The following LIN28B variants were observed in gnomAD, a reference collection of about 807,000 sequenced individuals.
The protein encoded by LIN28B is protein lin-28 homolog B.
Under a neutral mutation model 21.9 loss-of-function variants are expected in LIN28B, and 5 were observed. The ratio of observed to expected loss-of-function variants is 0.23; its 90% CI spans 0.12 to 0.48. The LOEUF is 0.48. LIN28B is among the 20% of genes least tolerant of loss of function. The probability of loss-of-function intolerance (pLI) is 0.98; values close to 1 mark genes in which losing one functional copy is unlikely to be tolerated. For missense variants in LIN28B, 245 were observed against 310.5 expected, an observed-to-expected ratio of 0.79 and a Z score of 1.58; for synonymous variants, 109 against 111.3, an observed-to-expected ratio of 0.98 and a Z score of 0.13.
At chr6:105,010,253 C>G (rs1160490192) in intron 2 of LIN28B, among the ~76,000 whole-genome samples, 1 of 151,078 alleles carries the variant, frequency 6.6e-6, no homozygotes, top group Non-Finnish European at 1.5e-5. Context: ...GTCCCAGCTA[C>G]TTATGAGGCT....
chr6:104,979,362 C>T (rs1770172262), intron 2 of LIN28B, among the ~76,000 whole-genome samples: 2 of 151,986 alleles, frequency 1.3e-5, no homozygotes, highest in South Asian at 4.1e-4. Context: ...TGTGCGCCAC[C>T]ACGCCCGGCT....
At chr6:104,996,813 T>G (rs559634762) in intron 2 of LIN28B, among the ~76,000 whole-genome samples, 1 of 152,204 alleles carries the variant, frequency 6.6e-6, no homozygotes, top group Admixed American at 6.5e-5. Context: ...AATAACTTTA[T>G]TTTTCTTAAA....
At chr6:104,958,438 A>G in intron 2 of LIN28B, 152 bp downstream of exon 2, 1 of 540,600 alleles carries the variant, frequency 1.8e-6, no homozygotes, top group Non-Finnish European at 3.2e-6. Flanking sequence ...CGTTTAGGGT[A>G]CGTGTATGGG....
chr6:105,029,202 T>G (rs1771365376), intron 3 of LIN28B, among the ~76,000 whole-genome samples: 1 of 152,092 alleles, frequency 6.6e-6, no homozygotes, highest in Non-Finnish European at 1.5e-5. Context: ...AGACAATCTT[T>G]TGAGAAGTGT....
At chr6:105,031,406 C>A (rs1771420327) in intron 3 of LIN28B, among the ~76,000 whole-genome samples, 1 of 151,886 alleles carries the variant, frequency 6.6e-6, no homozygotes, top group African/African-American at 2.4e-5. Context: ...ATTTGGTCTG[C>A]TGATGTACCA....
rs116113200 is a variant in LIN28B, at chr6:105,070,824, A to G, written c.384-7590A>G. On this transcript the variant is annotated intron_variant, in intron 3 of 3. Transcript: ENST00000345080. ...CACCGTACTATTTTCCCTGGATGTA[A>G]CCACTCTTTATTTGTCAATTCACTG... Among the ~76,000 whole-genome samples, 671 of 152,148 alleles carry G rather than the reference A, an allele frequency of 4.4e-3. 9 individuals carry two copies. Among genetic ancestry groups the G allele is most frequent in the African/African-American group, 0.015 (630 of 41,502 alleles).
At chr6:105,063,642 G>T (rs565828014) in intron 3 of LIN28B, among the ~76,000 whole-genome samples, 25 of 145,526 alleles carry the variant, frequency 1.7e-4, no homozygotes, top group African/African-American at 6.1e-4. Flanking sequence ...TCTCGGGGGG[G>T]GGGGGGAAAA....
intron 2 of LIN28B, among the ~76,000 whole-genome samples, chr6:104,960,118 CTT>C (rs1769699654): frequency 6.6e-6 from 1 of 151,978 alleles, no homozygotes; most frequent in African/African-American, 2.4e-5. Flanking sequence ...AAATAGTTGA[CTT>C]AATATTCAGT....
chr6:105,049,561 A>G (rs957337056), intron 3 of LIN28B, among the ~76,000 whole-genome samples: 2 of 152,006 alleles, frequency 1.3e-5, no homozygotes, highest in Non-Finnish European at 2.9e-5. Flanking sequence ...TATCCTTGTT[A>G]ACTTTCTGTC....
intron 3 of LIN28B, among the ~76,000 whole-genome samples, chr6:105,037,466 T>TTCTCCTCCCC (rs1771541806): frequency 1.3e-5 from 2 of 148,764 alleles, no homozygotes; most frequent in African/African-American, 2.5e-5. Flanking sequence ...CTCCCCTCAC[T>TTCTCCTCCCC]TCTCCTCCCC....
At chr6:105,041,839 A>G (rs567612935) in intron 3 of LIN28B, among the ~76,000 whole-genome samples, 1 of 152,164 alleles carries the variant, frequency 6.6e-6, no homozygotes, top group South Asian at 2.1e-4. Context: ...TCTTCCAACA[A>G]ACCTCTGGGT....
chr6:105,078,836 G>A lies in LIN28B; in HGVS notation c.*53G>A. 6.4e-7 allele frequency: 1 copy of A among 1,558,550 alleles called. No individual in the cohort carries two copies. The highest frequency in any genetic ancestry group is 1.8e-5 in the Admixed American group (1 of 54,388). ...TACCCGGTTGCAAAGTCTACCTCATGCAAGTATAGGGGAACAGTATTTCAC... is the reference window on the plus strand; with the variant it reads ...TACCCGGTTGCAAAGTCTACCTCATACAAGTATAGGGGAACAGTATTTCAC... On this transcript the variant is annotated 3_prime_UTR_variant, in exon 4 of 4. Transcript: ENST00000345080.
At chr6:104,945,729 T>C (rs1224492833) in intron 2 of LIN28B, among the ~76,000 whole-genome samples, 1 of 152,122 alleles carries the variant, frequency 6.6e-6, no homozygotes, top group African/African-American at 2.4e-5. Flanking sequence ...TGTTGGAAAA[T>C]ACAAACACAT....
intron 2 of LIN28B, among the ~76,000 whole-genome samples, chr6:104,958,559 A>G (rs1421243971): frequency 6.6e-6 from 1 of 152,200 alleles, no homozygotes. Context: ...ACAGCGAAAT[A>G]GTGTTCTTGT....
intron 2 of LIN28B, among the ~76,000 whole-genome samples, chr6:104,958,587 A>G (rs1380377766): frequency 2.6e-5 from 4 of 152,342 alleles, no homozygotes; most frequent in Middle Eastern, 3.4e-3. Context: ...GGTATTACCT[A>G]TACAATATAC....
chr6:105,037,553 C>A (rs1330824423), intron 3 of LIN28B, among the ~76,000 whole-genome samples: 1 of 143,206 alleles, frequency 7.0e-6, no homozygotes, highest in Non-Finnish European at 1.5e-5. Context: ...CACTCTGTCA[C>A]CCAGGCTGCA....
chr6:105,013,699 G>A (rs1362060466), intron 2 of LIN28B, among the ~76,000 whole-genome samples: 1 of 149,576 alleles, frequency 6.7e-6, no homozygotes, highest in Non-Finnish European at 1.5e-5. Flanking sequence ...CTTCAGCCTG[G>A]GCCATAGCAG....
At chr6:104,948,701 A>G (rs1778186037) in intron 2 of LIN28B, among the ~76,000 whole-genome samples, 1 of 152,194 alleles carries the variant, frequency 6.6e-6, no homozygotes, top group African/African-American at 2.4e-5. Context: ...GATAATATCT[A>G]CATTTAAACA....
At chr6:104,958,972 G>T (rs1769653926) in intron 2 of LIN28B, among the ~76,000 whole-genome samples, 1 of 152,122 alleles carries the variant, frequency 6.6e-6, no homozygotes, top group South Asian at 2.1e-4. Flanking sequence ...GGCCAGAGGC[G>T]GCTCTTGCTT....
Sources: allele counts gnomAD v4.1 joint callset (sites outside exome capture counted in the v4.1 genomes callset), GRCh38; gene constraint gnomAD v4.1.1; transcripts MANE v1.5; gene names NCBI Gene and HGNC (gene_info 2026-07-23, HGNC 2026-07-21).